Variants in PCDHA4 observed in about 807,000 individuals in gnomAD.
PCDHA4 encodes the protein protocadherin alpha 4.
In PCDHA4, 49 loss-of-function variants were observed where a neutral mutation model predicts 61.4. That is an observed-to-expected ratio of 0.80 (90% CI 0.63 to 1.01). The LOEUF (loss-of-function observed/expected upper bound fraction) is 1.01, where lower values mean the gene tolerates loss of function less well. PCDHA4 is among the 50% of genes least tolerant of loss of function. The probability of loss-of-function intolerance (pLI) is 0.00; values close to 1 mark genes in which losing one functional copy is unlikely to be tolerated. For synonymous variants in PCDHA4, 590 were observed against 550.3 expected, an observed-to-expected ratio of 1.07 and a Z score of -1.01; for missense variants, 1,254 against 1,235.8, an observed-to-expected ratio of 1.01 and a Z score of -0.22.
intron 1 of PCDHA4, among the ~76,000 whole-genome samples, chr5:140,971,892 G>C (rs2096504766): frequency 6.6e-6 from 1 of 151,694 alleles, no homozygotes; most frequent in African/African-American, 2.4e-5. Context: ...AGCTCAGGGA[G>C]GTTAGGTAAT....
intron 1 of PCDHA4, chr5:140,967,795 G>A (rs1399903836): frequency 3.1e-6 from 5 of 1,614,068 alleles, no homozygotes; most frequent in Non-Finnish European, 1.7e-6. Context: ...GGGGTCCAGT[G>A]CCCATGGCAG....
At chr5:140,841,238 G>A in intron 1 of PCDHA4, 8 of 1,482,530 alleles carry the variant, frequency 5.4e-6, no homozygotes, top group Non-Finnish European at 7.2e-6. Flanking sequence ...GAGATGCAGC[G>A]GAATTGGATT....
chr5:140,833,390 T>G (rs1349279965), intron 1 of PCDHA4, among the ~76,000 whole-genome samples: 2 of 152,166 alleles, frequency 1.3e-5, no homozygotes, highest in Non-Finnish European at 2.9e-5. Context: ...ATGAAATACC[T>G]CAAGACTTGA....
chr5:140,917,324 C>CGGGGGGGGGGGGG (rs1299895515), intron 1 of PCDHA4, among the ~76,000 whole-genome samples: 2 of 76,122 alleles, frequency 2.6e-5, no homozygotes, highest in Admixed American at 1.5e-4. Context: ...GTTCATGTGG[C>CGGGGGGGGGGGGG]GGGGGAGGGG....
chr5:140,946,353 A>C (rs2093933429), intron 1 of PCDHA4, among the ~76,000 whole-genome samples: 1 of 151,910 alleles, frequency 6.6e-6, no homozygotes, highest in Admixed American at 6.6e-5. Context: ...GAGGATGTGG[A>C]GAAAAGGGAA....
intron 1 of PCDHA4, among the ~76,000 whole-genome samples, chr5:140,917,167 ATGG>A (rs1237150759): frequency 6.6e-6 from 1 of 152,160 alleles, no homozygotes; most frequent in African/African-American, 2.4e-5. Flanking sequence ...GGGAGGGGTG[ATGG>A]TGGTGATCCC....
intron 1 of PCDHA4, chr5:140,927,058 C>T (rs376173105): frequency 1.2e-6 from 2 of 1,611,256 alleles, no homozygotes; most frequent in African/African-American, 1.3e-5. Flanking sequence ...GCGGAACTTT[C>T]GCTTCCTTTC....
intron 1 of PCDHA4, among the ~76,000 whole-genome samples, chr5:140,846,743 T>C (rs1359038647): frequency 1.3e-5 from 2 of 149,312 alleles, no homozygotes; most frequent in Admixed American, 6.7e-5. Context: ...ATAGGACCCT[T>C]ACAGATCTCT....
chr5:140,877,005 C>G, intron 1 of PCDHA4: 1 of 1,612,474 alleles, frequency 6.2e-7, no homozygotes, highest in Non-Finnish European at 8.5e-7. Context: ...TGTCGGTGCA[C>G]GCGGAGAGCG....
chr5:141,007,981 T>C (rs1346324109), intron 3 of PCDHA4, among the ~76,000 whole-genome samples: 1 of 152,260 alleles, frequency 6.6e-6, no homozygotes, highest in African/African-American at 2.4e-5. Context: ...GTCATGTATA[T>C]ATGAAATGTA....
At chr5:140,823,142 A>G in intron 1 of PCDHA4, 1 of 1,613,792 alleles carries the variant, frequency 6.2e-7, no homozygotes, top group Non-Finnish European at 8.5e-7. Context: ...GCGTTCGCGC[A>G]GCCCCAGTAT....
chr5:140,829,341 G>A (rs1554131894), intron 1 of PCDHA4: 7 of 1,614,256 alleles, frequency 4.3e-6, no homozygotes, highest in African/African-American at 4.0e-5. Flanking sequence ...GACCGCGAGA[G>A]CGTGTCGGCC....
chr5:140,954,895 A>G (rs782412576), intron 1 of PCDHA4, among the ~76,000 whole-genome samples: 66 of 152,096 alleles, frequency 4.3e-4, no homozygotes, highest in African/African-American at 1.4e-3. Context: ...TAGGGTTTTT[A>G]TAGTTTCATA....
intron 1 of PCDHA4, 119 bp from the exon 2 acceptor site, chr5:140,978,830 C>T: frequency 6.5e-7 from 1 of 1,535,340 alleles, no homozygotes; most frequent in Non-Finnish European, 8.8e-7. Context: ...TGAAATGGCT[C>T]ATTCAATACT....
chr5:140,909,341 T>C (rs2074443719), intron 1 of PCDHA4, among the ~76,000 whole-genome samples: 1 of 152,222 alleles, frequency 6.6e-6, no homozygotes, highest in African/African-American at 2.4e-5. Context: ...GCATACCAGG[T>C]ACCAAGAGAT....
intron 1 of PCDHA4, chr5:140,883,794 C>A (rs781822448): frequency 6.2e-7 from 1 of 1,612,476 alleles, no homozygotes; most frequent in Non-Finnish European, 8.5e-7. Flanking sequence ...AGCTACGTGT[C>A]GGTGCACGCG....
intron 1 of PCDHA4, among the ~76,000 whole-genome samples, chr5:140,948,446 G>A (rs1445406552): frequency 6.6e-6 from 1 of 151,446 alleles, no homozygotes; most frequent in Non-Finnish European, 1.5e-5. Flanking sequence ...CTGTGCCAGG[G>A]ATTTTCTTTT....
At chr5:140,869,117 A>G in intron 1 of PCDHA4, 2 of 1,605,428 alleles carry the variant, frequency 1.2e-6, no homozygotes, top group Non-Finnish European at 1.7e-6. Context: ...TTTGGTTTTC[A>G]GAGAAGGGGA....
At chr5:140,914,923 T>C (rs2076880546) in intron 1 of PCDHA4, among the ~76,000 whole-genome samples, 1 of 151,134 alleles carries the variant, frequency 6.6e-6, no homozygotes, top group Admixed American at 6.6e-5. Context: ...TGTCTTATTG[T>C]ACTATGTTGT....
Sources: gnomAD v4.1 joint callset for allele counts (sites outside exome capture counted in the v4.1 genomes callset) on GRCh38, gnomAD v4.1.1 for gene constraint, MANE v1.5 for transcripts, NCBI Gene and HGNC (gene_info 2026-07-23, HGNC 2026-07-21) for gene names.